C10orf90: variants seen among roughly 807,000 people sequenced by gnomAD.
The protein encoded by C10orf90 is (E2-independent) E3 ubiquitin-conjugating enzyme FATS.
Under a neutral mutation model 62.5 loss-of-function variants are expected in C10orf90, and 56 were observed. That is an observed-to-expected ratio of 0.90 (90% CI 0.72 to 1.12). The LOEUF is 1.12. Ranked by LOEUF, C10orf90 falls within the 50% of genes most tolerant of loss-of-function variation. The pLI is 0.00. For missense variants in C10orf90, 970 were observed against 880.4 expected, an observed-to-expected ratio of 1.10 and a Z score of -1.29; for synonymous variants, 386 against 340.4, an observed-to-expected ratio of 1.13 and a Z score of -1.47.
intron 3 of C10orf90, among the ~76,000 whole-genome samples, chr10:126,512,374 G>GTGTGTA (rs1863174227): frequency 3.3e-5 from 2 of 60,068 alleles, no homozygotes; most frequent in Non-Finnish European, 6.5e-5. Flanking sequence ...ATGTGTGTCT[G>GTGTGTA]TGTGTGTGTG....
At chr10:126,621,948 C>T (rs980739469) in intron 2 of C10orf90, among the ~76,000 whole-genome samples, 1 of 152,152 alleles carries the variant, frequency 6.6e-6, no homozygotes, top group African/African-American at 2.4e-5. Flanking sequence ...TTCTACCACC[C>T]CTGCCCCACA....
At position 126,542,010 on chromosome 10, in the gene C10orf90, C is replaced by G. The variant is rs567970297; in HGVS notation, c.314-28071G>C. On this transcript the variant is annotated intron_variant, in intron 2 of 9. Coordinates refer to ENST00000488181, the MANE Select transcript of C10orf90 (RefSeq NM_001350921.2). ...AACAAAAAGGAATGAAGCCGTGACA[C>G]ATGCTATTACATGGGTGAACCTTGA... is the stretch of plus-strand genomic sequence containing the variant. Among the ~76,000 whole-genome samples the G allele has an allele frequency of 2.6e-5, 4 of 152,356 alleles. No individual in the cohort carries two copies. The East Asian group carries it at 7.7e-4, about 29-fold the overall frequency.
intron 2 of C10orf90, among the ~76,000 whole-genome samples, chr10:126,566,675 A>C (rs1029387985): frequency 6.6e-6 from 1 of 152,220 alleles, no homozygotes; most frequent in African/African-American, 2.4e-5. Context: ...GAAAGAGAAC[A>C]GTGAGACTGG....
intron 2 of C10orf90, among the ~76,000 whole-genome samples, chr10:126,556,259 T>C (rs959422671): frequency 5.3e-5 from 8 of 152,112 alleles, no homozygotes; most frequent in African/African-American, 1.9e-4. Context: ...TTGCAAAATG[T>C]CAACAGCGAG....
chr10:126,649,444 A>G (rs1490266749), intron 1 of C10orf90, among the ~76,000 whole-genome samples: 1 of 151,780 alleles, frequency 6.6e-6, no homozygotes, highest in Non-Finnish European at 1.5e-5. Context: ...CACACACTCT[A>G]TGAGCTCCCC....
intron 4 of C10orf90, among the ~76,000 whole-genome samples, chr10:126,481,692 G>A (rs946590808): frequency 1.3e-5 from 2 of 152,096 alleles, no homozygotes; most frequent in Non-Finnish European, 2.9e-5. Flanking sequence ...AAATGAAGAA[G>A]CCAAGTTTCT....
intron 2 of C10orf90, among the ~76,000 whole-genome samples, chr10:126,597,924 C>T (rs983288709): frequency 9.9e-5 from 15 of 152,252 alleles, no homozygotes; most frequent in African/African-American, 3.1e-4. Flanking sequence ...ACTCCCCTAC[C>T]CATTTCCAGG....
At chr10:126,628,117 G>T (rs1158888228) in intron 2 of C10orf90, among the ~76,000 whole-genome samples, 2 of 152,148 alleles carry the variant, frequency 1.3e-5, no homozygotes. Context: ...CCTTCGCCTG[G>T]CAGGGAAGAG....
intron 2 of C10orf90, among the ~76,000 whole-genome samples, chr10:126,596,765 T>A (rs1845095239): frequency 6.6e-6 from 1 of 152,226 alleles, no homozygotes; most frequent in Non-Finnish European, 1.5e-5. Context: ...TTCTATTGAA[T>A]GTGTATCACT....
rs955972876 is a variant in C10orf90, at chr10:126,581,068, C to T, written c.313+65497G>A. Among the ~76,000 whole-genome samples the T allele has an allele frequency of 5.3e-5, 8 of 152,318 alleles. No individual in the cohort carries two copies. The South Asian group carries it at 6.2e-4, about 12-fold the overall frequency. ...CTCACAGCTTGTCTGAGCAACAACT[C>T]GCTTAGACTAGCCGCCGTGCAGAGT... On this transcript the variant is annotated intron_variant, in intron 2 of 9. Coordinates refer to ENST00000488181, the MANE Select transcript of C10orf90 (RefSeq NM_001350921.2).
chr10:126,442,478 C>CCTATATATATATATAT (rs1554886149), intron 7 of C10orf90, among the ~76,000 whole-genome samples: 1 of 33,810 alleles, frequency 3.0e-5, no homozygotes, highest in African/African-American at 1.6e-4. Context: ...TTCAATATTT[C>CCTATATATATATATAT]ATATATATAT....
intron 1 of C10orf90, among the ~76,000 whole-genome samples, chr10:126,669,435 G>C (rs1311705146): frequency 2.0e-5 from 3 of 152,220 alleles, no homozygotes; most frequent in Non-Finnish European, 4.4e-5. Context: ...TCAATATTCA[G>C]AAAGGTTACC....
rs374088681 is a variant in C10orf90 at position 126,426,059 on chromosome 10, T to C, written c.2284A>G (p.Lys762Glu). Residue 762 changes from lysine to glutamate, a missense_variant, in exon 9 of 10, where the codon AAA becomes GAA. Physicochemically the swap from Lys to Glu is moderately conservative, Grantham distance 56. Transcript: ENST00000488181. The stretch of plus-strand genomic sequence containing the variant: ...ACCCTTTTCCTTTGTTCTTCTTTTT[T>C]CTTTTTAACTTCCGGCAAGTTATCA... ...IYDNLPEVKK[K>E]KEEQRKRVIL... 1.5e-5 allele frequency: 25 copies of C among 1,614,064 alleles called. No individual in the cohort carries two copies. The African/African-American group carries it at 3.1e-4, about 20-fold the overall frequency.
At chr10:126,451,308 C>A (rs1859171343) in intron 7 of C10orf90, among the ~76,000 whole-genome samples, 2 of 152,074 alleles carry the variant, frequency 1.3e-5, no homozygotes, top group African/African-American at 2.4e-5. Context: ...AATAGAATGA[C>A]CAATCCTACT....
At chr10:126,559,544 G>A (rs1358402536) in intron 2 of C10orf90, among the ~76,000 whole-genome samples, 1 of 152,160 alleles carries the variant, frequency 6.6e-6, no homozygotes, top group Non-Finnish European at 1.5e-5. Context: ...CTGCCTTAAG[G>A]AGGCTATGGA....
At chr10:126,491,238 T>C (rs1324144839) in intron 4 of C10orf90, among the ~76,000 whole-genome samples, 1 of 151,926 alleles carries the variant, frequency 6.6e-6, no homozygotes, top group Non-Finnish European at 1.5e-5. Context: ...CACAAAAGAG[T>C]ATGCTCAATT....
chr10:126,518,979 C>G (rs1235995330), intron 2 of C10orf90, among the ~76,000 whole-genome samples: 1 of 152,184 alleles, frequency 6.6e-6, no homozygotes, highest in East Asian at 1.9e-4. Context: ...GGGCCCTGAG[C>G]TGAGAGATAA....
At chr10:126,565,012 T>A (rs769223241) in intron 2 of C10orf90, among the ~76,000 whole-genome samples, 2,240 of 10,196 alleles carry the variant, frequency 0.22, 584 homozygotes, top group Non-Finnish European at 0.26. Context: ...ATAATATATA[T>A]AATATATATT....
chr10:126,484,474 T>C (rs1053321111), intron 4 of C10orf90, among the ~76,000 whole-genome samples: 12 of 152,146 alleles, frequency 7.9e-5, no homozygotes, highest in African/African-American at 2.9e-4. Context: ...GGCCAATACA[T>C]GAAAAAGTCC....
Sources: gnomAD v4.1 joint callset for allele counts (sites outside exome capture counted in the v4.1 genomes callset) on GRCh38, gnomAD v4.1.1 for gene constraint, MANE v1.5 for transcripts, NCBI Gene and HGNC (gene_info 2026-07-23, HGNC 2026-07-21) for gene names.